ANKS1B: variants seen among roughly 807,000 people sequenced by gnomAD.
The protein encoded by ANKS1B is ankyrin repeat and sterile alpha motif domain-containing protein 1B.
In ANKS1B, 36 loss-of-function variants were observed where a neutral mutation model predicts 148.3. That is an observed-to-expected ratio of 0.24 (90% CI 0.19 to 0.32). The LOEUF (loss-of-function observed/expected upper bound fraction) is 0.32, where lower values mean the gene tolerates loss of function less well. Ranked by LOEUF, ANKS1B falls within the 10% of genes least tolerant of loss-of-function variation. The pLI, the probability that ANKS1B is intolerant of heterozygous loss-of-function variation, is 1.00. For synonymous variants in ANKS1B, 542 were observed against 560.8 expected (o/e 0.97, Z 0.47); for missense variants, 1,157 against 1,542.6 (o/e 0.75, Z 4.19).
chr12:99,869,637 C>T (rs372586431), intron 1 of ANKS1B, among the ~76,000 whole-genome samples: 21 of 151,240 alleles, frequency 1.4e-4, no homozygotes, highest in African/African-American at 4.1e-4. Context: ...GCCAAGATCG[C>T]GCCATTGCAC....
chr12:99,410,562 G>C (rs975597695), intron 11 of ANKS1B, among the ~76,000 whole-genome samples: 2 of 152,160 alleles, frequency 1.3e-5, no homozygotes, highest in Admixed American at 1.3e-4. Context: ...CCAGCTACTC[G>C]GGAGGCTGAG....
At chr12:98,833,746 T>C (rs539016409) in intron 17 of ANKS1B, among the ~76,000 whole-genome samples, 57 of 152,236 alleles carry the variant, frequency 3.7e-4, no homozygotes, top group African/African-American at 1.3e-3. Context: ...CTTCCCTTCC[T>C]CCCTCCCCTC....
intron 25 of ANKS1B, among the ~76,000 whole-genome samples, chr12:98,759,980 AAAATAAAT>A (rs1157991871): frequency 1.6e-5 from 2 of 124,570 alleles, no homozygotes; most frequent in Non-Finnish European, 4.0e-5. Flanking sequence ...ACTCCGTCTA[AAAATAAAT>A]AAATAAAATA....
chr12:99,418,327 G>A lies in ANKS1B; in HGVS notation c.1576-18516C>T, dbSNP rs141809845. ...TTTTGACATCCAAAACATAAAATGA[G>A]GGATTTGGATAAAAGTGTTAGATTT... On this transcript the variant is annotated intron_variant, in intron 11 of 26. Transcript: ENST00000683438. 5.1e-3 allele frequency among the ~76,000 whole-genome samples: 770 copies of A among 152,112 alleles called. 11 individuals carry two copies. The highest frequency in any genetic ancestry group is 0.018 in the African/African-American group (732 of 41,494).
At chr12:99,473,223 T>C (rs1358270060) in intron 10 of ANKS1B, among the ~76,000 whole-genome samples, 1 of 152,060 alleles carries the variant, frequency 6.6e-6, no homozygotes, top group African/African-American at 2.4e-5. Context: ...TAATATCATA[T>C]GACAATTCTG....
intron 14 of ANKS1B, among the ~76,000 whole-genome samples, chr12:99,205,637 A>G (rs575611269): frequency 6.6e-6 from 1 of 152,140 alleles, no homozygotes; most frequent in Non-Finnish European, 1.5e-5. Flanking sequence ...GAATCTCTGG[A>G]GCTTATCAGC....
chr12:99,060,199 A>T (rs67764662), intron 16 of ANKS1B, among the ~76,000 whole-genome samples: 98 of 20,180 alleles, frequency 4.9e-3, no homozygotes, highest in East Asian at 0.048. Context: ...ATATTAACAT[A>T]TTTTTTTTTT....
intron 9 of ANKS1B, among the ~76,000 whole-genome samples, chr12:99,603,937 T>C (rs1391374336): frequency 6.6e-6 from 1 of 152,136 alleles, no homozygotes. Context: ...TGGAAATTCT[T>C]ACCTAGTCCA....
intron 17 of ANKS1B, among the ~76,000 whole-genome samples, chr12:98,893,175 C>T (rs544968521): frequency 1.3e-5 from 2 of 152,196 alleles, no homozygotes; most frequent in African/African-American, 4.8e-5. Flanking sequence ...CCTTTCTTCT[C>T]TATCTGAGTC....
chr12:99,355,314 C>T (rs1394416207), intron 12 of ANKS1B, among the ~76,000 whole-genome samples: 1 of 152,066 alleles, frequency 6.6e-6, no homozygotes, highest in South Asian at 2.1e-4. Flanking sequence ...GGCTTTGATG[C>T]TAATTTCTCT....
At chr12:99,714,571 G>C (rs1369590500) in intron 8 of ANKS1B, among the ~76,000 whole-genome samples, 1 of 151,922 alleles carries the variant, frequency 6.6e-6, no homozygotes, top group African/African-American at 2.4e-5. Flanking sequence ...GGTGATTTGT[G>C]ATCAGTGACC....
At chr12:99,159,889 T>G (rs1477177424) in intron 14 of ANKS1B, among the ~76,000 whole-genome samples, 1 of 152,192 alleles carries the variant, frequency 6.6e-6, no homozygotes, top group Non-Finnish European at 1.5e-5. Context: ...CACCAGCAGC[T>G]ATTATTATGC....
chr12:99,784,169 T>TC, intron 4 of ANKS1B, among the ~76,000 whole-genome samples: 1 of 38,490 alleles, frequency 2.6e-5, no homozygotes, highest in East Asian at 1.2e-3. Context: ...CTGAACTTTC[T>TC]TTTTTTTTTT....
intron 17 of ANKS1B, among the ~76,000 whole-genome samples, chr12:98,953,386 C>A (rs1210125164): frequency 1.3e-5 from 2 of 152,048 alleles, no homozygotes; most frequent in Admixed American, 6.6e-5. Flanking sequence ...CTCCTAGCTT[C>A]AAGTGATCCT....
chr12:99,484,989 C>T (rs946650647), intron 10 of ANKS1B, among the ~76,000 whole-genome samples: 2 of 151,704 alleles, frequency 1.3e-5, no homozygotes, highest in African/African-American at 4.8e-5. Context: ...CATTCTGTAC[C>T]TTTTAAGTGG....
At chr12:98,856,133 T>C (rs2099570233) in intron 17 of ANKS1B, among the ~76,000 whole-genome samples, 1 of 152,214 alleles carries the variant, frequency 6.6e-6, no homozygotes, top group Non-Finnish European at 1.5e-5. Flanking sequence ...TATCTTTCTG[T>C]GAGGTGCATA....
intron 10 of ANKS1B, among the ~76,000 whole-genome samples, chr12:99,463,799 G>A (rs963141928): frequency 5.3e-5 from 8 of 152,242 alleles, no homozygotes; most frequent in African/African-American, 1.9e-4. Flanking sequence ...AGCTCGAACT[G>A]GGTGGAGCCC....
intron 25 of ANKS1B, among the ~76,000 whole-genome samples, chr12:98,761,950 T>C (rs1408886727): frequency 6.6e-6 from 1 of 152,152 alleles, no homozygotes; most frequent in African/African-American, 2.4e-5. Context: ...ATGGCCACAT[T>C]TTCATGACTG....
At chr12:99,118,109 A>C (rs2061842320) in intron 15 of ANKS1B, among the ~76,000 whole-genome samples, 1 of 152,250 alleles carries the variant, frequency 6.6e-6, no homozygotes, top group Non-Finnish European at 1.5e-5. Context: ...AGCAGGATAG[A>C]ACAATCTTTG....
Sources: gnomAD v4.1 joint callset for allele counts (sites outside exome capture counted in the v4.1 genomes callset) on GRCh38, gnomAD v4.1.1 for gene constraint, MANE v1.5 for transcripts, NCBI Gene and HGNC (gene_info 2026-07-23, HGNC 2026-07-21) for gene names.